FHIT: variants seen among roughly 807,000 people sequenced by gnomAD.
The protein encoded by FHIT is bis(5'-adenosyl)-triphosphatase.
FHIT carries 19 observed loss-of-function variants against 17.9 expected under a neutral mutation model. The observed-to-expected ratio is 1.06, with a 90% confidence interval of 0.74 to 1.56. The LOEUF is 1.56. FHIT is among the 40% of genes most tolerant of loss of function. The pLI is 0.00. For synonymous variants in FHIT, 81 were observed against 69.7 expected, an observed-to-expected ratio of 1.16 and a Z score of -0.81; for missense variants, 248 against 189.2, an observed-to-expected ratio of 1.31 and a Z score of -1.82.
chr3:59,865,900 A>C (rs1702626914), intron 8 of FHIT, among the ~76,000 whole-genome samples: 1 of 152,178 alleles, frequency 6.6e-6, no homozygotes, highest in Non-Finnish European at 1.5e-5. Context: ...AGAGAGCATC[A>C]AAGTGGATCC....
chr3:59,768,756 G>A (rs1701926781), intron 8 of FHIT, among the ~76,000 whole-genome samples: 1 of 152,206 alleles, frequency 6.6e-6, no homozygotes, highest in Non-Finnish European at 1.5e-5. Flanking sequence ...GGATGACATA[G>A]TTGTACCCAT....
intron 2 of FHIT, among the ~76,000 whole-genome samples, chr3:61,052,546 T>C (rs1173610036): frequency 2.0e-5 from 3 of 152,156 alleles, no homozygotes; most frequent in Non-Finnish European, 1.5e-5. Context: ...GATCAATACT[T>C]TTACAAAGTG....
At chr3:60,054,879 G>A (rs1702019462) in intron 5 of FHIT, among the ~76,000 whole-genome samples, 1 of 151,972 alleles carries the variant, frequency 6.6e-6, no homozygotes, top group South Asian at 2.1e-4. Context: ...CACTATCACT[G>A]GTGAGAAATT....
intron 5 of FHIT, among the ~76,000 whole-genome samples, chr3:60,336,185 C>A (rs924238439): frequency 2.6e-5 from 4 of 152,312 alleles, no homozygotes; most frequent in East Asian, 3.9e-4. Context: ...AAAAGCCGAA[C>A]CAAGTTGGGG....
At chr3:60,794,071 C>A (rs1700887396) in intron 4 of FHIT, among the ~76,000 whole-genome samples, 1 of 149,542 alleles carries the variant, frequency 6.7e-6, no homozygotes, top group Middle Eastern at 3.4e-3. Context: ...TAAAAGTCCC[C>A]CTTCTCTCAC....
At chr3:60,807,247 T>A (rs1268755096) in intron 4 of FHIT, among the ~76,000 whole-genome samples, 1 of 152,116 alleles carries the variant, frequency 6.6e-6, no homozygotes, top group Non-Finnish European at 1.5e-5. Flanking sequence ...AAGAGAGGTC[T>A]ACATGAACTA....
Position 60,394,826 on chromosome 3 carries a change from C to A in FHIT, c.103+142034G>T, listed in dbSNP as rs192067997. ...ACTATCATCATCACTTAAAAAACTG[C>A]ATTAAGTCCAGAAGGATAGTGGCTG... On this transcript the variant is annotated intron_variant, in intron 5 of 9. Transcript: ENST00000492590. Among the ~76,000 whole-genome samples, 3 of 152,260 alleles carry A rather than the reference C, an allele frequency of 2.0e-5. No homozygotes were observed. In the East Asian group the frequency reaches 5.8e-4, roughly 29 times the overall value.
chr3:60,962,834 T>A (rs193293517), intron 3 of FHIT, among the ~76,000 whole-genome samples: 2 of 152,366 alleles, frequency 1.3e-5, no homozygotes, highest in East Asian at 3.9e-4. Context: ...GTTTTGCCAG[T>A]ATTTTATTGA....
intron 5 of FHIT, among the ~76,000 whole-genome samples, chr3:60,116,058 T>C (rs1704945485): frequency 6.6e-6 from 1 of 152,178 alleles, no homozygotes; most frequent in Admixed American, 6.5e-5. Context: ...AATGATGTCA[T>C]GAACACTCAT....
At chr3:60,077,925 T>C (rs758310503) in intron 5 of FHIT, among the ~76,000 whole-genome samples, 12 of 152,046 alleles carry the variant, frequency 7.9e-5, no homozygotes, top group Non-Finnish European at 1.5e-4. Context: ...GTAGTAACCA[T>C]CTTATTGTAT....
At chr3:60,416,286 G>A (rs905619875) in intron 5 of FHIT, among the ~76,000 whole-genome samples, 4 of 152,066 alleles carry the variant, frequency 2.6e-5, no homozygotes, top group Non-Finnish European at 5.9e-5. Flanking sequence ...ACCATAAATT[G>A]ATACAACCAA....
At chr3:59,877,734 T>C (rs911503942) in intron 8 of FHIT, among the ~76,000 whole-genome samples, 8 of 152,126 alleles carry the variant, frequency 5.3e-5, no homozygotes, top group Non-Finnish European at 1.0e-4. Context: ...GCCAAGAAAA[T>C]GAGATTCCTA....
chr3:60,959,024 T>C (rs138102705), intron 3 of FHIT, among the ~76,000 whole-genome samples: 109 of 152,326 alleles, frequency 7.2e-4, no homozygotes, highest in Non-Finnish European at 1.0e-3. Flanking sequence ...ATGAAAAGGA[T>C]ATTAACATTA....
intron 5 of FHIT, among the ~76,000 whole-genome samples, chr3:60,245,410 A>C (rs908119671): frequency 1.1e-4 from 16 of 152,024 alleles, no homozygotes; most frequent in African/African-American, 3.6e-4. Context: ...TCAAAGTTCT[A>C]AACTTCAGGG....
At chr3:59,868,113 G>T (rs756579010) in intron 8 of FHIT, among the ~76,000 whole-genome samples, 1 of 149,714 alleles carries the variant, frequency 6.7e-6, no homozygotes, top group Non-Finnish European at 1.5e-5. Context: ...TGGCCCTAGC[G>T]GAAGAGCTAA....
chr3:60,289,093 C>A (rs1225020450), intron 5 of FHIT, among the ~76,000 whole-genome samples: 1 of 152,026 alleles, frequency 6.6e-6, no homozygotes, highest in Non-Finnish European at 1.5e-5. Flanking sequence ...TGGGGTTCAC[C>A]GGACCCTGGA....
intron 5 of FHIT, among the ~76,000 whole-genome samples, chr3:60,124,013 G>GAC (rs1705407713): frequency 2.3e-5 from 1 of 43,814 alleles, no homozygotes; most frequent in Non-Finnish European, 4.3e-5. Context: ...TATATATAGA[G>GAC]AGAGAGAGAG....
intron 5 of FHIT, among the ~76,000 whole-genome samples, chr3:60,055,642 G>T (rs1451025153): frequency 6.6e-6 from 1 of 152,082 alleles, no homozygotes; most frequent in Non-Finnish European, 1.5e-5. Context: ...CAGTGTACAA[G>T]GCATTTAGAG....
At chr3:60,378,886 A>T (rs1264311991) in intron 5 of FHIT, among the ~76,000 whole-genome samples, 1 of 152,224 alleles carries the variant, frequency 6.6e-6, no homozygotes, top group Non-Finnish European at 1.5e-5. Context: ...AAAAAAGATC[A>T]AACGTGGATT....
Sources: gnomAD v4.1 joint callset for allele counts (sites outside exome capture counted in the v4.1 genomes callset) on GRCh38, gnomAD v4.1.1 for gene constraint, MANE v1.5 for transcripts, NCBI Gene and HGNC (gene_info 2026-07-23, HGNC 2026-07-21) for gene names.